The following FAM3B variants were observed in gnomAD, a reference collection of about 807,000 sequenced individuals.
The protein encoded by FAM3B is protein FAM3B.
A neutral mutation model predicts 28.4 loss-of-function variants in FAM3B; 29 were observed. The observed-to-expected ratio is 1.02, with a 90% CI of 0.76 to 1.39. The LOEUF (loss-of-function observed/expected upper bound fraction) is 1.39, where lower values mean the gene tolerates loss of function less well. FAM3B is among the 40% of genes most tolerant of loss of function. FAM3B has a pLI of 0.00. For missense variants in FAM3B, 266 were observed against 293.9 expected, an observed-to-expected ratio of 0.91 and a Z score of 0.69; for synonymous variants, 91 against 103.0, an observed-to-expected ratio of 0.88 and a Z score of 0.71.
intron 2 of FAM3B, among the ~76,000 whole-genome samples, chr21:41,337,827 A>G (rs2088969022): frequency 6.6e-6 from 1 of 151,426 alleles, no homozygotes; most frequent in Non-Finnish European, 1.5e-5. Flanking sequence ...TGTGTGATAC[A>G]TCATGTGGTG....
intron 1 of FAM3B, chr21:41,322,541 A>G: frequency 1.4e-6 from 1 of 712,204 alleles, no homozygotes; most frequent in Non-Finnish European, 2.6e-6. Context: ...GCGTGCTCAA[A>G]TCCAGTTGTG....
chr21:41,348,852 T>C, intron 7 of FAM3B, 128 bp downstream of exon 7: 1 of 1,027,986 alleles, frequency 9.7e-7, no homozygotes, highest in Non-Finnish European at 1.5e-6. Context: ...TTCCATGAGA[T>C]CAGCATTAGA....
intron 1 of FAM3B, among the ~76,000 whole-genome samples, chr21:41,309,964 T>A (rs573027867): frequency 6.6e-6 from 1 of 152,280 alleles, no homozygotes; most frequent in Non-Finnish European, 1.5e-5. Context: ...CCATTCAGAC[T>A]CAGAAATTTT....
At chr21:41,356,028 G>GA (rs1011630325) in intron 7 of FAM3B, among the ~76,000 whole-genome samples, 6 of 138,722 alleles carry the variant, frequency 4.3e-5, no homozygotes, top group Non-Finnish European at 9.2e-5. Flanking sequence ...AGGACTCTGG[G>GA]AAAAAAATAC....
In FAM3B at chr21:41,316,916, T is replaced by C; in HGVS notation, c.19+18T>C. ...GGCTGGTGGTGAGTGCGCCCCCGCCTCGGGGCGAGGGTAGGGGCGGGGAAG... is the reference window on the plus strand; with the variant it reads ...GGCTGGTGGTGAGTGCGCCCCCGCCCCGGGGCGAGGGTAGGGGCGGGGAAG... On this transcript the variant is annotated intron_variant, in intron 1 of 7. Coordinates refer to ENST00000357985, the MANE Select transcript of FAM3B (RefSeq NM_058186.4). 1 of 1,353,388 alleles carries C rather than the reference T, an allele frequency of 7.4e-7. No homozygotes were observed. Among genetic ancestry groups the C allele is most frequent in the Non-Finnish European group, 9.5e-7 (1 of 1,051,308 alleles). The allele number at this position is 1,353,388 out of a possible 1,614,324, so 83.8% of individuals were successfully genotyped here.
chr21:41,357,634 G>C lies in FAM3B; in HGVS notation c.*437G>C, dbSNP rs2089178441. On this transcript the variant is annotated 3_prime_UTR_variant, in exon 8 of 8. Transcript: ENST00000357985. ...CTGGGAGAATTAGCAGCAGTTCAGG[G>C]GGCTTATGTTATGTCCTTGTTCAAC... 6.6e-6 allele frequency among the ~76,000 whole-genome samples: 1 copy of C among 152,136 alleles called. No individual in the cohort carries two copies. The highest frequency in any genetic ancestry group is 2.4e-5 in the African/African-American group (1 of 41,420).
upstream of FAM3B, among the ~76,000 whole-genome samples, chr21:41,314,937 T>G (rs1345442011): frequency 1.3e-5 from 2 of 152,190 alleles, no homozygotes; most frequent in African/African-American, 4.8e-5. Context: ...CTTCTCAGTA[T>G]GTATCCAAAA....
intron 1 of FAM3B, among the ~76,000 whole-genome samples, chr21:41,310,320 G>A (rs1601343573): frequency 6.6e-6 from 1 of 151,992 alleles, no homozygotes; most frequent in African/African-American, 2.4e-5. Flanking sequence ...GAGCCTGTGG[G>A]GTCACTGTCT....
At chr21:41,310,654 A>C (rs1299526615) in intron 1 of FAM3B, among the ~76,000 whole-genome samples, 1 of 152,160 alleles carries the variant, frequency 6.6e-6, no homozygotes, top group Non-Finnish European at 1.5e-5. Flanking sequence ...AGAGCTCTGA[A>C]GAGTCAGCCC....
At chr21:41,328,441 A>G (rs2088873898) in intron 2 of FAM3B, among the ~76,000 whole-genome samples, 1 of 152,244 alleles carries the variant, frequency 6.6e-6, no homozygotes, top group South Asian at 2.1e-4. Context: ...GTCCATTTAT[A>G]GCACGTTTTC....
At chr21:41,328,553 G>T (rs114545429) in intron 2 of FAM3B, among the ~76,000 whole-genome samples, 1,934 of 152,124 alleles carry the variant, frequency 0.013, 31 homozygotes, top group East Asian at 0.082. Context: ...ACTTTGGCCA[G>T]GCTGGTCTCA....
chr21:41,316,692 G>C (rs2088751597), upstream of FAM3B: 3 of 420,396 alleles, frequency 7.1e-6, no homozygotes, highest in Admixed American at 4.6e-5. Context: ...CACCTGCCCC[G>C]CCCACGCCCG....
chr21:41,344,596 T>C (rs1413218018), intron 4 of FAM3B, 62 bp downstream of exon 4: 2 of 1,473,368 alleles, frequency 1.4e-6, no homozygotes, highest in Non-Finnish European at 1.9e-6. Context: ...TTTTCAAAGG[T>C]ACCTTGGGTT....
At chr21:41,340,362 C>T (rs887820877) in intron 3 of FAM3B, among the ~76,000 whole-genome samples, 3 of 152,040 alleles carry the variant, frequency 2.0e-5, no homozygotes, top group African/African-American at 7.2e-5. Context: ...CCATGTTGGC[C>T]AGGATGGTCT....
intron 1 of FAM3B, chr21:41,304,452 C>A: frequency 2.8e-6 from 1 of 358,742 alleles, no homozygotes; most frequent in South Asian, 2.1e-5. Flanking sequence ...TCCCACGTGC[C>A]CAGGCACCTC....
At chr21:41,351,892 G>T (rs1323116193) in intron 7 of FAM3B, among the ~76,000 whole-genome samples, 1 of 152,212 alleles carries the variant, frequency 6.6e-6, no homozygotes, top group Admixed American at 6.5e-5. Context: ...GGAAGTGAGG[G>T]TAACCTGGTT....
chr21:41,329,980 G>A (rs2088890025), intron 2 of FAM3B, among the ~76,000 whole-genome samples: 1 of 152,146 alleles, frequency 6.6e-6, no homozygotes, highest in African/African-American at 2.4e-5. Flanking sequence ...AAGATATTTT[G>A]AGAGAGACCA....
chr21:41,317,262 C>A (rs181975525), intron 1 of FAM3B, among the ~76,000 whole-genome samples: 5 of 150,116 alleles, frequency 3.3e-5, no homozygotes, highest in East Asian at 2.0e-4. Context: ...CCCCACCCCC[C>A]ACCCGGGCTC....
intron 1 of FAM3B, among the ~76,000 whole-genome samples, chr21:41,311,274 A>G (rs1476681730): frequency 1.2e-5 from 1 of 82,996 alleles, no homozygotes; most frequent in African/African-American, 6.0e-5. Context: ...ATATATATAT[A>G]TATATATATA....
Sources: gnomAD v4.1 joint callset for allele counts (sites outside exome capture counted in the v4.1 genomes callset) on GRCh38, gnomAD v4.1.1 for gene constraint, MANE v1.5 for transcripts, NCBI Gene and HGNC (gene_info 2026-07-23, HGNC 2026-07-21) for gene names.